DGCR2: variants seen among roughly 807,000 people sequenced by gnomAD.
DGCR2 encodes integral membrane protein DGCR2/IDD.
DGCR2 carries 24 observed loss-of-function variants against 51.6 expected under a neutral mutation model. The observed-to-expected ratio is 0.47, with a 90% CI of 0.34 to 0.65. The LOEUF (loss-of-function observed/expected upper bound fraction) is 0.65, where lower values mean the gene tolerates loss of function less well. Ranked by LOEUF, DGCR2 falls within the 30% of genes least tolerant of loss-of-function variation. The probability of loss-of-function intolerance (pLI) is 0.01; values close to 1 mark genes in which losing one functional copy is unlikely to be tolerated. For synonymous variants in DGCR2, 340 were observed against 315.4 expected, an observed-to-expected ratio of 1.08 and a Z score of -0.82; for missense variants, 765 against 772.1, an observed-to-expected ratio of 0.99 and a Z score of 0.11.
At chr22:19,051,653 G>A (rs937753441) in intron 6 of DGCR2, among the ~76,000 whole-genome samples, 1 of 152,188 alleles carries the variant, frequency 6.6e-6, no homozygotes, top group African/African-American at 2.4e-5. Flanking sequence ...CTGAGCCCGG[G>A]AGCTGGAGGT....
chr22:19,064,903 G>C lies in DGCR2; in HGVS notation c.493C>G (p.Leu165Val). The change falls in exon 4 of 10, where the codon CTG (leucine) becomes GTG (valine). Residue 165 changes from leucine (L) to valine (V), a missense_variant. This residue lies in a region of DGCR2 where 370 missense variants were observed against 325.5 expected (regional missense o/e 1.14). Transcript: ENST00000263196. Reference protein sequence around the residue: ...FSTDQELRFVLAQEWDQPERS... With the variant: ...FSTDQELRFVVAQEWDQPERS... Reference sequence around the variant, plus strand: ...TCGGGCTGGTCCCATTCCTGGGCCAGGACAAAGCGCAGCTCCTGGTCAGTG... The same window carrying C: ...TCGGGCTGGTCCCATTCCTGGGCCACGACAAAGCGCAGCTCCTGGTCAGTG... 2 of 1,613,930 alleles carry C rather than the reference G, an allele frequency of 1.2e-6. No individual in the cohort carries two copies. The highest frequency in any genetic ancestry group is 1.7e-5 in the Admixed American group (1 of 60,036).
chr22:19,063,871 G>C (rs1484529897), intron 4 of DGCR2, among the ~76,000 whole-genome samples: 1 of 152,172 alleles, frequency 6.6e-6, no homozygotes, highest in Non-Finnish European at 1.5e-5. Flanking sequence ...AAAACCATAG[G>C]ACAGGGCACT....
chr22:19,072,748 C>T (rs1184773329), intron 2 of DGCR2, among the ~76,000 whole-genome samples: 5 of 152,102 alleles, frequency 3.3e-5, no homozygotes, highest in African/African-American at 1.2e-4. Context: ...GTGGCACACA[C>T]CTGTAGTCCC....
chr22:19,075,025 T>C (rs2082859391), intron 2 of DGCR2, among the ~76,000 whole-genome samples: 1 of 151,680 alleles, frequency 6.6e-6, no homozygotes, highest in South Asian at 2.1e-4. Context: ...GAAATTTTCT[T>C]ATATAACTTC....
chr22:19,107,723 C>G, intron 1 of DGCR2, among the ~76,000 whole-genome samples: 1 of 152,164 alleles, frequency 6.6e-6, no homozygotes, highest in East Asian at 1.9e-4. Flanking sequence ...GCAATCAGTC[C>G]TTATTTCATG....
chr22:19,069,144 TTGGTC>T (rs2082784497), intron 2 of DGCR2, among the ~76,000 whole-genome samples: 1 of 152,186 alleles, frequency 6.6e-6, no homozygotes, highest in African/African-American at 2.4e-5. Context: ...GGAAACAAAC[TTGGTC>T]TGCAAGGCTG....
At chr22:19,050,160 G>T (rs751149457) in intron 6 of DGCR2, among the ~76,000 whole-genome samples, 103 of 152,328 alleles carry the variant, frequency 6.8e-4, no homozygotes, top group Middle Eastern at 6.8e-3. Context: ...TAAATGCAAA[G>T]GAGCCACAAA....
chr22:19,041,789 C>T lies in DGCR2; in HGVS notation c.1159+18G>A, dbSNP rs779070600. ...GTGGGGATGGGGACCAGGGTTGTGGCCCTCAGAGGGCACTTACAGTTTGCT... is the reference window on the plus strand; with the variant it reads ...GTGGGGATGGGGACCAGGGTTGTGGTCCTCAGAGGGCACTTACAGTTTGCT... On this transcript the variant is annotated intron_variant, in intron 8 of 9. Coordinates refer to ENST00000263196, the MANE Select transcript of DGCR2 (RefSeq NM_005137.3). 6.2e-7 allele frequency: 1 copy of T among 1,608,068 alleles called. No individual in the cohort carries two copies. The highest frequency in any genetic ancestry group is 2.2e-5 in the East Asian group (1 of 44,858).
chr22:19,063,399 G>A, intron 4 of DGCR2, 121 bp from the exon 5 acceptor site: 1 of 900,952 alleles, frequency 1.1e-6, no homozygotes, highest in Non-Finnish European at 1.7e-6. Context: ...GGAGTGCAGT[G>A]GTGCGATCTC....
Position 19,036,750 on chromosome 22 carries a change from G to A in DGCR2, c.*2115C>T, listed in dbSNP as rs2082373672. 6.6e-6 allele frequency: 1 copy of A among 152,298 alleles called. No individual in the cohort carries two copies. Among genetic ancestry groups the A allele is most frequent in the Non-Finnish European group, 1.5e-5 (1 of 68,078 alleles). The allele number at this position is 152,298 out of a possible 1,614,324, so 9.4% of individuals were successfully genotyped here. On this transcript the variant is annotated 3_prime_UTR_variant, in exon 10 of 10. Coordinates refer to ENST00000263196, the MANE Select transcript of DGCR2 (RefSeq NM_005137.3). ...GGCCTGAGTGCTTGTGGAGGCCCAT[G>A]GGGAAGGGGCCACCCAGCAACCCCG...
intron 6 of DGCR2, among the ~76,000 whole-genome samples, chr22:19,055,291 A>G (rs2082589232): frequency 6.6e-6 from 1 of 152,160 alleles, no homozygotes; most frequent in African/African-American, 2.4e-5. Flanking sequence ...ATCCACTAAA[A>G]GCATTTAATA....
At chr22:19,056,581 G>C in intron 6 of DGCR2, 1 of 363,860 alleles carries the variant, frequency 2.7e-6, no homozygotes. Flanking sequence ...ACACACCATA[G>C]ACTGGCAAGG....
rs969380885 is a variant in DGCR2 at position 19,048,030 on chromosome 22, T to G, written c.1006+410A>C. ...CAACATGGCGAAACCCCGTCTCTAC[T>G]AAAAATACAAAAACTAGCCAGGCAT... On this transcript the variant is annotated intron_variant, in intron 7 of 9. Coordinates refer to ENST00000263196, the MANE Select transcript of DGCR2 (RefSeq NM_005137.3). The G allele has an allele frequency of 6.4e-5, 16 of 248,508 alleles. No individual in the cohort carries two copies. In the South Asian group the frequency reaches 7.8e-4, roughly 12 times the overall value. 15.4% of individuals were successfully genotyped at this position (248,508 alleles called of 1,614,324 possible). A position where few individuals can be genotyped will look rare whatever the true frequency, so the allele number is the denominator to read the frequency against.
At chr22:19,073,441 A>G (rs2082838908) in intron 2 of DGCR2, among the ~76,000 whole-genome samples, 1 of 152,230 alleles carries the variant, frequency 6.6e-6, no homozygotes, top group Admixed American at 6.5e-5. Flanking sequence ...GTTCCAGAAA[A>G]AGGGAACAGA....
At chr22:19,078,834 T>C (rs1238872260) in intron 2 of DGCR2, among the ~76,000 whole-genome samples, 2 of 152,232 alleles carry the variant, frequency 1.3e-5, no homozygotes, top group East Asian at 1.9e-4. Context: ...CTAGTAGTAT[T>C]ACTGTCTGGC....
intron 2 of DGCR2, among the ~76,000 whole-genome samples, chr22:19,087,933 C>T (rs748273431): frequency 2.0e-5 from 3 of 152,164 alleles, no homozygotes; most frequent in Non-Finnish European, 2.9e-5. Context: ...GATCCACCCA[C>T]CTCAGCCTCC....
In DGCR2 at chr22:19,092,897, AGAGGAG is replaced by A. The variant is rs10570617; in HGVS notation, c.80-3413_80-3408del. Among the ~76,000 whole-genome samples, 1,157 of 150,690 alleles carry A rather than the reference AGAGGAG, an allele frequency of 7.7e-3. 19 individuals carry two copies. Among genetic ancestry groups the A allele is most frequent in the African/African-American group, 0.026 (1,080 of 40,816 alleles). ...CGAAACACGGAAGAAAGAAAAATGA[AGAGGAG>A]GAGGAGGAGGAAAGAAAGGAAGAAG... On this transcript the variant is annotated intron_variant, in intron 1 of 9. Coordinates refer to ENST00000263196, the MANE Select transcript of DGCR2 (RefSeq NM_005137.3).
chr22:19,072,314 C>T (rs2082824006), intron 2 of DGCR2, among the ~76,000 whole-genome samples: 1 of 152,034 alleles, frequency 6.6e-6, no homozygotes, highest in Non-Finnish European at 1.5e-5. Context: ...GAAGAAAGTC[C>T]CCAACAGGAG....
At chr22:19,071,361 C>T (rs1012477964) in intron 2 of DGCR2, among the ~76,000 whole-genome samples, 1 of 152,160 alleles carries the variant, frequency 6.6e-6, no homozygotes, top group Non-Finnish European at 1.5e-5. Flanking sequence ...AATTACTTTT[C>T]GTCACAAAAA....
Sources: allele counts gnomAD v4.1 joint callset (sites outside exome capture counted in the v4.1 genomes callset), GRCh38; gene constraint gnomAD v4.1.1; regional missense constraint gnomAD v4.1.1; transcripts MANE v1.5; gene names NCBI Gene and HGNC (gene_info 2026-07-23, HGNC 2026-07-21).